Variants in TNKS observed in about 807,000 individuals in gnomAD.
The protein encoded by TNKS is tankyrase.
In TNKS, 72 loss-of-function variants were observed where a neutral mutation model predicts 135.8. The ratio of observed to expected loss-of-function variants is 0.53; its 90% confidence interval spans 0.44 to 0.64. The LOEUF (loss-of-function observed/expected upper bound fraction) is 0.64. TNKS is among the 30% of genes least tolerant of loss of function. The pLI is 0.00. For missense variants in TNKS, 1,769 were observed against 1,674.0 expected, an observed-to-expected ratio of 1.06 and a Z score of -0.99; for synonymous variants, 849 against 649.3, an observed-to-expected ratio of 1.31 and a Z score of -4.68.
In TNKS at chr8:9,700,611, C is replaced by CT. The variant is rs57880434; in HGVS notation, c.1108-4041dup. Among the ~76,000 whole-genome samples the CT allele has an allele frequency of 9.3e-5, 14 of 150,118 alleles. 1 individual carries two copies. Among genetic ancestry groups the CT allele is most frequent in the East Asian group, 2.0e-4 (1 of 5,080 alleles). ...GCTCTCCTTTCCCTTACACTCCCTT[C>CT]TTTTTTTTTTTCTGTTGTTCTTCTG... On this transcript the variant is annotated intron_variant, in intron 5 of 26. Coordinates refer to ENST00000310430, the MANE Select transcript of TNKS (RefSeq NM_003747.3).
At chr8:9,604,614 G>T (rs564699634) in intron 2 of TNKS, among the ~76,000 whole-genome samples, 64 of 151,784 alleles carry the variant, frequency 4.2e-4, no homozygotes, top group African/African-American at 1.4e-3. Context: ...TATAGTTGTT[G>T]TTCCTAATTT....
intron 3 of TNKS, among the ~76,000 whole-genome samples, chr8:9,618,742 A>T (rs1405278910): frequency 2.0e-5 from 3 of 152,176 alleles, no homozygotes; most frequent in African/African-American, 7.2e-5. Context: ...ATTGAGAGAA[A>T]CAGGAAAAGG....
intron 1 of TNKS, among the ~76,000 whole-genome samples, chr8:9,560,657 C>T (rs10111980): frequency 0.25 from 37,752 of 151,494 alleles, 4,898 homozygotes; most frequent in East Asian, 0.39. Context: ...TCTTACACTT[C>T]TCGTTGCCTG....
intron 2 of TNKS, among the ~76,000 whole-genome samples, chr8:9,601,387 C>T (rs1799010462): frequency 6.6e-6 from 1 of 152,170 alleles, no homozygotes; most frequent in Admixed American, 6.5e-5. Context: ...GTACTCTTTG[C>T]TGAGAACCAA....
At chr8:9,578,179 G>A (rs1798031215) in intron 1 of TNKS, among the ~76,000 whole-genome samples, 3 of 152,136 alleles carry the variant, frequency 2.0e-5, no homozygotes. Flanking sequence ...GTGCTGATTA[G>A]GGAAATGGAA....
chr8:9,696,059 C>T (rs887088424), intron 5 of TNKS, among the ~76,000 whole-genome samples: 2 of 152,124 alleles, frequency 1.3e-5, no homozygotes, highest in Non-Finnish European at 2.9e-5. Flanking sequence ...ATATAGTAAC[C>T]AGTAACCTCC....
intron 16 of TNKS, 86 bp from the exon 17 acceptor site, chr8:9,735,291 T>C: frequency 7.6e-7 from 1 of 1,309,090 alleles, no homozygotes; most frequent in South Asian, 1.3e-5. Flanking sequence ...ATTAAAACCT[T>C]AACATTTTCT....
At chr8:9,753,815 A>C (rs1420386141) in intron 20 of TNKS, among the ~76,000 whole-genome samples, 2 of 152,208 alleles carry the variant, frequency 1.3e-5, no homozygotes, top group African/African-American at 2.4e-5. Context: ...ATCTGCCCGT[A>C]GGTATAATTC....
At chr8:9,657,175 C>A (rs1190583574) in intron 3 of TNKS, among the ~76,000 whole-genome samples, 1 of 139,444 alleles carries the variant, frequency 7.2e-6, no homozygotes, top group Non-Finnish European at 1.6e-5. Context: ...CAGAGGGGCT[C>A]CTCACTTCCC....
intron 11 of TNKS, among the ~76,000 whole-genome samples, chr8:9,715,546 TC>T (rs1202180776): frequency 1.3e-5 from 2 of 151,884 alleles, no homozygotes; most frequent in Non-Finnish European, 2.9e-5. Context: ...ACCCCCCATC[TC>T]CTCCCAGTGC....
intron 1 of TNKS, chr8:9,566,332 T>A (rs1426197881): frequency 6.6e-6 from 1 of 152,160 alleles, no homozygotes; most frequent in Non-Finnish European, 1.5e-5. Context: ...TATCAAAAGT[T>A]GTCTGCCTCC....
chr8:9,597,567 A>G (rs1490288943), intron 2 of TNKS, among the ~76,000 whole-genome samples: 2 of 152,210 alleles, frequency 1.3e-5, no homozygotes, highest in Non-Finnish European at 2.9e-5. Flanking sequence ...GAGATATTGC[A>G]TATAGGATTA....
Position 9,556,237 on chromosome 8 carries a change from G to A in TNKS, c.298G>A (p.Ala100Thr). The A allele has an allele frequency of 6.2e-7, 1 of 1,614,188 alleles. No homozygotes were observed. The highest frequency in any genetic ancestry group is 8.5e-7 in the Non-Finnish European group (1 of 1,180,038). Reference protein sequence around the residue: ...CSTTSTICTVAAAPVVPAVST... With the variant: ...CSTTSTICTVTAAPVVPAVST... ...TACCACCAGCACAATCTGTACCGTCGCCGCCGCTCCCGTGGTCCCAGCGGT... is the reference window on the plus strand; with the variant it reads ...TACCACCAGCACAATCTGTACCGTCACCGCCGCTCCCGTGGTCCCAGCGGT... Residue 100 changes from alanine to threonine, a missense_variant, in exon 1 of 27, where the codon GCC becomes ACC. Transcript: ENST00000310430.
At chr8:9,558,314 A>G (rs981381409) in intron 1 of TNKS, 15 of 152,226 alleles carry the variant, frequency 9.9e-5, no homozygotes, top group Non-Finnish European at 2.2e-4. Flanking sequence ...ACTACTTATT[A>G]GGAATGCAGT....
intron 19 of TNKS, 74 bp from the exon 20 acceptor site, chr8:9,752,470 T>TC (rs1311720670): frequency 1.8e-6 from 2 of 1,121,844 alleles, no homozygotes; most frequent in African/African-American, 3.1e-5. Context: ...CAGAGTCATG[T>TC]CTAAATGGAT....
At chr8:9,679,915 C>G (rs749348041) in intron 3 of TNKS, 36 bp from the exon 4 acceptor site, 5 of 1,580,854 alleles carry the variant, frequency 3.2e-6, no homozygotes, top group Non-Finnish European at 4.3e-6. Context: ...TGTCTTCTGC[C>G]AAATGCTAAC....
intron 26 of TNKS, among the ~76,000 whole-genome samples, chr8:9,771,348 CAGGGAGGGAGAGAGAGAGGAA>C (rs1807838308): frequency 1.7e-5 from 1 of 58,382 alleles, no homozygotes. Flanking sequence ...GGAAGGGAAG[CAGGGAGGGAGAGAGAGAGGAA>C]GGGAGGGAGG....
At chr8:9,592,280 C>A (rs921145344) in intron 2 of TNKS, among the ~76,000 whole-genome samples, 1 of 152,068 alleles carries the variant, frequency 6.6e-6, no homozygotes, top group African/African-American at 2.4e-5. Flanking sequence ...TTAATGTGTT[C>A]TGTTAGCATT....
intron 1 of TNKS, among the ~76,000 whole-genome samples, chr8:9,559,280 G>A (rs1034027143): frequency 6.6e-6 from 1 of 152,112 alleles, no homozygotes; most frequent in Non-Finnish European, 1.5e-5. Flanking sequence ...CCTTGTTTTA[G>A]AGCAGTTAAG....
Sources: allele counts gnomAD v4.1 joint callset (sites outside exome capture counted in the v4.1 genomes callset), GRCh38; gene constraint gnomAD v4.1.1; transcripts MANE v1.5; gene names NCBI Gene and HGNC (gene_info 2026-07-23, HGNC 2026-07-21).